FARS2: variants seen among roughly 807,000 people sequenced by gnomAD.
The protein encoded by FARS2 is phenylalanyl-tRNA synthetase 2, mitochondrial, also known as phenylalanine--tRNA ligase, mitochondrial.
FARS2 carries 40 observed loss-of-function variants against 46.4 expected under a neutral mutation model. That is an observed-to-expected ratio of 0.86 (90% CI 0.67 to 1.12). The LOEUF (loss-of-function observed/expected upper bound fraction) is 1.12, where lower values mean the gene tolerates loss of function less well. Among genes scored for constraint, FARS2 ranks in the 50% most tolerant of loss-of-function variants. The probability of loss-of-function intolerance (pLI) is 0.00; values close to 1 mark genes in which losing one functional copy is unlikely to be tolerated. For synonymous variants in FARS2, 234 were observed against 214.9 expected (o/e 1.09, Z -0.78); for missense variants, 513 against 567.9 (o/e 0.90, Z 0.98).
chr6:5,265,673 C>A (rs759730782), intron 1 of FARS2, among the ~76,000 whole-genome samples: 1 of 152,168 alleles, frequency 6.6e-6, no homozygotes, highest in Non-Finnish European at 1.5e-5. Flanking sequence ...AAACACTGAT[C>A]CTGTTTTCCA....
intron 1 of FARS2, among the ~76,000 whole-genome samples, chr6:5,364,946 G>C (rs1036059617): frequency 2.6e-5 from 4 of 152,000 alleles, no homozygotes; most frequent in African/African-American, 9.7e-5. Context: ...AGCCACTGGA[G>C]CCTGAGACAG....
At chr6:5,450,211 G>T (rs1006059665) in intron 4 of FARS2, among the ~76,000 whole-genome samples, 2 of 152,090 alleles carry the variant, frequency 1.3e-5, no homozygotes, top group African/African-American at 4.8e-5. Flanking sequence ...TGTAATGTCA[G>T]TGTGTGCTGA....
At chr6:5,565,612 T>G (rs1489110501) in intron 5 of FARS2, among the ~76,000 whole-genome samples, 4 of 152,224 alleles carry the variant, frequency 2.6e-5, no homozygotes, top group Non-Finnish European at 5.9e-5. Context: ...TACTTAGACA[T>G]TAGCATTTTA....
chr6:5,305,302 C>CAATAT (rs1768619676), intron 1 of FARS2, among the ~76,000 whole-genome samples: 2 of 152,162 alleles, frequency 1.3e-5, no homozygotes, highest in African/African-American at 2.4e-5. Flanking sequence ...AAATGTCTAG[C>CAATAT]ACATTGTATT....
chr6:5,486,876 T>C (rs1318701158), intron 4 of FARS2, among the ~76,000 whole-genome samples: 2 of 152,220 alleles, frequency 1.3e-5, no homozygotes, highest in East Asian at 3.9e-4. Flanking sequence ...TAAAAGCTAA[T>C]ATGATAATGG....
chr6:5,328,929 C>A (rs1770591031), intron 1 of FARS2, among the ~76,000 whole-genome samples: 1 of 152,134 alleles, frequency 6.6e-6, no homozygotes, highest in African/African-American at 2.4e-5. Flanking sequence ...CTTCCCCAGA[C>A]ATGACCTTGT....
At chr6:5,328,173 A>G (rs797127) in intron 1 of FARS2, among the ~76,000 whole-genome samples, 102,234 of 152,046 alleles carry the variant, frequency 0.67, 34,906 homozygotes, top group East Asian at 0.82. Context: ...TTCATTTAGA[A>G]TCTACATGTT....
At chr6:5,297,884 G>A (rs565185017) in intron 1 of FARS2, among the ~76,000 whole-genome samples, 1 of 152,106 alleles carries the variant, frequency 6.6e-6, no homozygotes, top group Non-Finnish European at 1.5e-5. Context: ...ATATGCGTTG[G>A]TTCCTGTGGA....
At chr6:5,375,167 C>G (rs999985626) in intron 2 of FARS2, among the ~76,000 whole-genome samples, 9 of 151,858 alleles carry the variant, frequency 5.9e-5, no homozygotes, top group Non-Finnish European at 1.2e-4. Flanking sequence ...TGATGCTTTA[C>G]CTAGAAAAAG....
At chr6:5,482,270 T>C (rs2432804) in intron 4 of FARS2, among the ~76,000 whole-genome samples, 70,540 of 151,742 alleles carry the variant, frequency 0.46, 16,433 homozygotes, top group South Asian at 0.59. Context: ...ATCTTTCAAT[T>C]ATTTTGGCAG....
At chr6:5,638,702 C>T (rs531852369) in intron 6 of FARS2, among the ~76,000 whole-genome samples, 107 of 152,374 alleles carry the variant, frequency 7.0e-4, no homozygotes, top group African/African-American at 1.4e-3. Context: ...GTGGCTCAAC[C>T]GCTGTGGGGT....
intron 4 of FARS2, among the ~76,000 whole-genome samples, chr6:5,520,292 C>T (rs993565139): frequency 8.5e-5 from 13 of 152,096 alleles, no homozygotes; most frequent in African/African-American, 1.9e-4. Context: ...CACCTGGTGA[C>T]GAGATAATCA....
intron 4 of FARS2, among the ~76,000 whole-genome samples, chr6:5,439,375 T>C (rs1763717185): frequency 6.6e-6 from 1 of 152,218 alleles, no homozygotes; most frequent in African/African-American, 2.4e-5. Context: ...CAGACAGGCT[T>C]CTCTTTGAGT....
intron 6 of FARS2, among the ~76,000 whole-genome samples, chr6:5,614,618 C>G (rs975794882): frequency 2.0e-5 from 3 of 152,102 alleles, no homozygotes; most frequent in South Asian, 2.1e-4. Context: ...TCACCGTGGT[C>G]TCCATCTCCT....
chr6:5,593,355 A>G (rs1162407800), intron 5 of FARS2, among the ~76,000 whole-genome samples: 2 of 151,902 alleles, frequency 1.3e-5, no homozygotes, highest in Non-Finnish European at 2.9e-5. Flanking sequence ...CGTACCCAGT[A>G]AACAGTTATC....
intron 6 of FARS2, among the ~76,000 whole-genome samples, chr6:5,673,980 C>G (rs547010363): frequency 6.6e-6 from 1 of 152,016 alleles, no homozygotes; most frequent in African/African-American, 2.4e-5. Context: ...ACTTCTGAAT[C>G]TGTAACAATT....
intron 6 of FARS2, among the ~76,000 whole-genome samples, chr6:5,655,575 A>C (rs1777569339): frequency 6.6e-6 from 1 of 152,166 alleles, no homozygotes; most frequent in Non-Finnish European, 1.5e-5. Context: ...CGGTCCCTGC[A>C]TCCTTTGGCT....
intron 6 of FARS2, among the ~76,000 whole-genome samples, chr6:5,699,771 T>G (rs967310669): frequency 2.6e-5 from 4 of 152,204 alleles, no homozygotes; most frequent in Non-Finnish European, 5.9e-5. Context: ...TGCCTAGTAC[T>G]GGGTCTCAAA....
chr6:5,661,548 G>T (rs1048988466), intron 6 of FARS2, among the ~76,000 whole-genome samples: 1 of 152,180 alleles, frequency 6.6e-6, no homozygotes, highest in East Asian at 1.9e-4. Flanking sequence ...GGAAGAGCCA[G>T]GGTGTGTGAG....
Sources: allele counts gnomAD v4.1 joint callset (sites outside exome capture counted in the v4.1 genomes callset), GRCh38; gene constraint gnomAD v4.1.1; transcripts MANE v1.5; gene names NCBI Gene and HGNC (gene_info 2026-07-23, HGNC 2026-07-21).